Variants in RGS6 observed in about 807,000 individuals in gnomAD.
RGS6 encodes regulator of G protein signaling 6, also known as regulator of G-protein signaling 6.
Under a neutral mutation model 78.5 loss-of-function variants are expected in RGS6, and 30 were observed. That is an observed-to-expected ratio of 0.38 (90% CI 0.29 to 0.52). The LOEUF (loss-of-function observed/expected upper bound fraction) is 0.52. RGS6 is among the 20% of genes least tolerant of loss of function. The pLI is 0.85. For missense variants in RGS6, 495 were observed against 609.7 expected, an observed-to-expected ratio of 0.81 and a Z score of 1.98; for synonymous variants, 206 against 206.0, an observed-to-expected ratio of 1.00 and a Z score of 0.00.
At chr14:72,431,082 G>A (rs1256422079) in intron 3 of RGS6, among the ~76,000 whole-genome samples, 1 of 152,156 alleles carries the variant, frequency 6.6e-6, no homozygotes, top group Admixed American at 6.6e-5. Flanking sequence ...CATTTATTAA[G>A]CATGTATACT....
chr14:72,396,733 G>A (rs1269637538), intron 3 of RGS6, among the ~76,000 whole-genome samples: 1 of 151,932 alleles, frequency 6.6e-6, no homozygotes, highest in African/African-American at 2.4e-5. Flanking sequence ...AAGGTGTAAG[G>A]AAGGGATCCA....
At chr14:72,546,527 C>T (rs189691586) in intron 17 of RGS6, among the ~76,000 whole-genome samples, 2 of 152,322 alleles carry the variant, frequency 1.3e-5, no homozygotes, top group East Asian at 3.9e-4. Flanking sequence ...GATGGTTCAA[C>T]CTGTCCGCCA....
intron 3 of RGS6, among the ~76,000 whole-genome samples, chr14:72,415,483 T>C (rs745732105): frequency 5.3e-5 from 8 of 152,246 alleles, no homozygotes; most frequent in Admixed American, 2.6e-4. Context: ...CCCCTTGCGC[T>C]TCCTGGATGA....
rs71109718 is a variant in RGS6, at chr14:72,057,313, G to GAAAAAA, written c.84+92460_84+92465dup. Among the ~76,000 whole-genome samples the GAAAAAA allele has an allele frequency of 5.5e-4, 31 of 56,164 alleles. 1 individual carries two copies. Among genetic ancestry groups the GAAAAAA allele is most frequent in the African/African-American group, 2.0e-3 (27 of 13,466 alleles). 36.8% of individuals were successfully genotyped at this position (56,164 alleles called of 152,430 possible). A position where few individuals can be genotyped will look rare whatever the true frequency, so the allele number is the denominator to read the frequency against. On this transcript the variant is annotated intron_variant, in intron 2 of 17. Coordinates refer to ENST00000553525, the MANE Select transcript of RGS6 (RefSeq NM_001204424.2). The stretch of plus-strand genomic sequence containing the variant: ...TGAGTGACAGAGTGAGACTCTATCT[G>GAAAAAA]AAAAAAAAAAAAAAAAAAAAAAAAA...
chr14:72,230,520 T>C (rs1056473836), intron 2 of RGS6, among the ~76,000 whole-genome samples: 19 of 152,152 alleles, frequency 1.2e-4, no homozygotes, highest in Non-Finnish European at 2.4e-4. Flanking sequence ...CCAACTAAGA[T>C]TGGAAACTGT....
intron 15 of RGS6, among the ~76,000 whole-genome samples, chr14:72,522,165 T>C (rs562749147): frequency 9.2e-4 from 140 of 152,160 alleles, no homozygotes; most frequent in Non-Finnish European, 1.6e-3. Flanking sequence ...GTCAGCAGAT[T>C]TGGTTGCTGG....
chr14:72,446,524 A>G (rs12436819), intron 3 of RGS6, among the ~76,000 whole-genome samples: 11,764 of 152,244 alleles, frequency 0.077, 786 homozygotes, highest in African/African-American at 0.16. Context: ...TGTGTTCCCC[A>G]GCCTTTTTGG....
chr14:72,054,313 T>C (rs1225647997), intron 2 of RGS6, among the ~76,000 whole-genome samples: 1 of 152,190 alleles, frequency 6.6e-6, no homozygotes, highest in Non-Finnish European at 1.5e-5. Flanking sequence ...GTTCGCTCAA[T>C]TAACTATACC....
chr14:72,138,545 C>T (rs1384415793), intron 2 of RGS6, among the ~76,000 whole-genome samples: 1 of 148,736 alleles, frequency 6.7e-6, no homozygotes. Context: ...TATTCCTGTG[C>T]CCTAGCACAG....
chr14:72,098,778 T>C (rs1018300099), intron 2 of RGS6, among the ~76,000 whole-genome samples: 7 of 152,202 alleles, frequency 4.6e-5, no homozygotes, highest in African/African-American at 1.4e-4. Context: ...TGTAAAATGG[T>C]ACTGCATGTT....
chr14:72,149,330 T>C (rs1229910844), intron 2 of RGS6, among the ~76,000 whole-genome samples: 1 of 152,042 alleles, frequency 6.6e-6, no homozygotes, highest in African/African-American at 2.4e-5. Flanking sequence ...ATATTCAGGG[T>C]AAGGGGAATT....
At chr14:72,473,216 G>T (rs1483813461) in intron 9 of RGS6, among the ~76,000 whole-genome samples, 1 of 152,216 alleles carries the variant, frequency 6.6e-6, no homozygotes, top group Non-Finnish European at 1.5e-5. Context: ...GGCCGAGGTG[G>T]GTGGATCACG....
chr14:72,195,873 G>A (rs1354126985), intron 2 of RGS6, among the ~76,000 whole-genome samples: 1 of 152,230 alleles, frequency 6.6e-6, no homozygotes, highest in African/African-American at 2.4e-5. Flanking sequence ...CCAAGGCAAG[G>A]CAGTGGGTAC....
chr14:72,208,445 G>T (rs1159969821), intron 2 of RGS6, among the ~76,000 whole-genome samples: 1 of 152,184 alleles, frequency 6.6e-6, no homozygotes, highest in East Asian at 1.9e-4. Flanking sequence ...CTAAGGGTTA[G>T]GTTTTCTGTC....
chr14:72,601,038 G>T, the RGS6 span, among the ~76,000 whole-genome samples: 4 of 150,342 alleles, frequency 2.7e-5, no homozygotes. Flanking sequence ...GGAGGAAGAG[G>T]AGGAGAAGGG....
intron 3 of RGS6, among the ~76,000 whole-genome samples, chr14:72,433,127 G>A (rs933919821): frequency 6.6e-6 from 1 of 152,168 alleles, no homozygotes; most frequent in African/African-American, 2.4e-5. Flanking sequence ...AGAAATGATT[G>A]GTGGTTTCAT....
At chr14:71,880,479 G>A in the RGS6 span, among the ~76,000 whole-genome samples, 1 of 152,166 alleles carries the variant, frequency 6.6e-6, no homozygotes, top group South Asian at 2.1e-4. Context: ...TGTGGGCCAG[G>A]CCTAGGATCC....
chr14:72,434,316 G>A (rs1235243779), intron 3 of RGS6, among the ~76,000 whole-genome samples: 1 of 152,208 alleles, frequency 6.6e-6, no homozygotes, highest in African/African-American at 2.4e-5. Context: ...CAGCCTGGGT[G>A]ACAGAGCGAG....
the RGS6 span, among the ~76,000 whole-genome samples, chr14:71,888,126 G>A: frequency 6.6e-6 from 1 of 152,116 alleles, no homozygotes; most frequent in South Asian, 2.1e-4. Flanking sequence ...AATATTGGGG[G>A]TGGGTTCCCC....
Sources: allele counts gnomAD v4.1 joint callset (sites outside exome capture counted in the v4.1 genomes callset), GRCh38; gene constraint gnomAD v4.1.1; transcripts MANE v1.5; gene names NCBI Gene and HGNC (gene_info 2026-07-23, HGNC 2026-07-21).